The following HDX variants were observed in gnomAD, a reference collection of about 807,000 sequenced individuals.
HDX encodes chromosome X open reading frame 43.
In HDX, 19 loss-of-function variants were observed where a neutral mutation model predicts 45.2. The ratio of observed to expected loss-of-function variants is 0.42; its 90% confidence interval spans 0.29 to 0.62. The LOEUF is 0.62. HDX is among the 20% of genes least tolerant of loss of function. The pLI is 0.20. For synonymous variants in HDX, 188 were observed against 172.8 expected, an observed-to-expected ratio of 1.09 and a Z score of -0.69; for missense variants, 532 against 493.9, an observed-to-expected ratio of 1.08 and a Z score of -0.73.
At chrX:84,331,211 C>T (rs770938324) in intron 9 of HDX, among the ~76,000 whole-genome samples, 1 of 111,375 alleles carries the variant, frequency 9.0e-6, no homozygotes, top group South Asian at 3.7e-4. Flanking sequence ...TTTAGAATTC[C>T]TAAGAACATG....
rs187034159 is a variant in HDX, at chrX:84,319,510, A to G, written c.*2379T>C. Reference sequence around the variant, plus strand: ...TCAGTTCCTGCTACAGAATAGCCACATTTCATTTTAGAAGTGTTTTAATTC... The same window carrying G: ...TCAGTTCCTGCTACAGAATAGCCACGTTTCATTTTAGAAGTGTTTTAATTC... On this transcript the variant is annotated 3_prime_UTR_variant, in exon 11 of 11. Coordinates refer to ENST00000373177, the MANE Select transcript of HDX (RefSeq NM_001177479.2). 6 of 111,646 alleles carry G rather than the reference A, an allele frequency of 5.4e-5. No homozygotes were observed. The highest frequency in any genetic ancestry group is 1.9e-4 in the Admixed American group (2 of 10,536). The allele number at this position is 111,646 out of a possible 1,213,427, so 9.2% of individuals were successfully genotyped here.
At chrX:84,350,167 T>A in intron 6 of HDX, among the ~76,000 whole-genome samples, 1 of 112,066 alleles carries the variant, frequency 8.9e-6, no homozygotes. Context: ...TGTTATTGAT[T>A]TCTACTTTGA....
intron 5 of HDX, among the ~76,000 whole-genome samples, chrX:84,398,542 C>T (rs1245735861): frequency 8.9e-6 from 1 of 111,843 alleles, no homozygotes; most frequent in Non-Finnish European, 1.9e-5. Flanking sequence ...TATATGCACC[C>T]AATACAGGAG....
chrX:84,418,040 A>G lies in HDX; in HGVS notation c.1305+22492T>C, dbSNP rs185158514. ...TATTATGGGTTTCTGAAGAAAAAAC[A>G]ACTACTGAATGGGTCAGTTAGAAAC... On this transcript the variant is annotated intron_variant, in intron 5 of 10. Coordinates refer to ENST00000373177, the MANE Select transcript of HDX (RefSeq NM_001177479.2). Among the ~76,000 whole-genome samples, 381 of 112,072 alleles carry G rather than the reference A, an allele frequency of 3.4e-3. 3 individuals are homozygous for G. The highest frequency in any genetic ancestry group is 0.012 in the African/African-American group (367 of 30,833).
intron 5 of HDX, among the ~76,000 whole-genome samples, chrX:84,369,287 C>T (rs2037836970): frequency 8.9e-6 from 1 of 112,075 alleles, no homozygotes; most frequent in African/African-American, 3.2e-5. Context: ...TCATTGTATG[C>T]ATGTACCAAA....
intron 4 of HDX, among the ~76,000 whole-genome samples, chrX:84,449,012 A>C (rs891595470): frequency 2.8e-5 from 3 of 108,518 alleles, no homozygotes; most frequent in Non-Finnish European, 5.7e-5. Context: ...AATTCATGGA[A>C]TCAAATAAAA....
At chrX:84,359,209 T>A (rs1420544937) in intron 6 of HDX, among the ~76,000 whole-genome samples, 2 of 111,127 alleles carry the variant, frequency 1.8e-5, no homozygotes, top group Admixed American at 1.9e-4. Flanking sequence ...TTTTAAGTTC[T>A]AGGATACATG....
rs1006661259 is a variant in HDX at position 84,496,258 on chromosome X, G to A, written c.-110+6084C>T. Among the ~76,000 whole-genome samples the A allele has an allele frequency of 6.1e-4, 68 of 111,706 alleles. 4 individuals carry two copies. The highest frequency in any genetic ancestry group is 5.6e-5 in the Non-Finnish European group (3 of 53,115). ...AGATCGCATATTTCTTTACAAATGC[G>A]AAAACAGACAAAAGAAAATTCAAGT... On this transcript the variant is annotated intron_variant, in intron 1 of 10. Transcript: ENST00000373177.
At chrX:84,479,133 G>A (rs987398771) in intron 2 of HDX, among the ~76,000 whole-genome samples, 2 of 111,291 alleles carry the variant, frequency 1.8e-5, no homozygotes, top group Admixed American at 1.9e-4. Flanking sequence ...AGTTTTATGA[G>A]TTAAGAGAAA....
At chrX:84,402,937 C>G (rs2038739512) in intron 5 of HDX, among the ~76,000 whole-genome samples, 1 of 111,229 alleles carries the variant, frequency 9.0e-6, no homozygotes. Context: ...ATACTAAGAA[C>G]ACTATGGAAG....
chrX:84,500,640 C>T (rs941749924), intron 1 of HDX, among the ~76,000 whole-genome samples: 1 of 111,013 alleles, frequency 9.0e-6, no homozygotes, highest in African/African-American at 3.3e-5. Context: ...GTTGAGTTTC[C>T]AAAGTGGGTA....
intron 6 of HDX, 122 bp from the exon 7 acceptor site, chrX:84,344,579 A>C: frequency 2.3e-6 from 1 of 439,172 alleles, no homozygotes; most frequent in Non-Finnish European, 3.9e-6. Flanking sequence ...GGTACACAGA[A>C]AGGTAAAAAC....
intron 5 of HDX, among the ~76,000 whole-genome samples, chrX:84,417,687 C>T (rs1246969629): frequency 1.8e-5 from 2 of 111,880 alleles, no homozygotes; most frequent in Non-Finnish European, 3.8e-5. Flanking sequence ...GAACTGAGGT[C>T]TGTTCTCCAA....
intron 6 of HDX, among the ~76,000 whole-genome samples, chrX:84,344,868 T>C (rs2037163429): frequency 9.0e-6 from 1 of 111,429 alleles, no homozygotes; most frequent in African/African-American, 3.3e-5. Context: ...TGTAGTCTAC[T>C]GAGGATGACT....
intron 4 of HDX, among the ~76,000 whole-genome samples, chrX:84,444,445 G>C (rs1252752301): frequency 9.0e-6 from 1 of 110,771 alleles, no homozygotes; most frequent in Non-Finnish European, 1.9e-5. Context: ...TTCAGGCTTG[G>C]AACCAGGGTA....
intron 3 of HDX, among the ~76,000 whole-genome samples, chrX:84,472,993 T>G (rs1007244356): frequency 5.8e-5 from 6 of 102,855 alleles, no homozygotes; most frequent in Admixed American, 1.1e-4. Context: ...GATGAGAATT[T>G]GGGGTTAGGA....
At chrX:84,435,244 C>A (rs1006598422) in intron 5 of HDX, among the ~76,000 whole-genome samples, 6 of 111,053 alleles carry the variant, frequency 5.4e-5, no homozygotes, top group African/African-American at 1.6e-4. Context: ...AAGAAAAATG[C>A]TTGCCATTCT....
At chrX:84,483,257 CCCA>C (rs1469077321) in intron 2 of HDX, among the ~76,000 whole-genome samples, 7 of 112,112 alleles carry the variant, frequency 6.2e-5, no homozygotes, top group Non-Finnish European at 1.3e-4. Flanking sequence ...GGGCTCCAAC[CCCA>C]CATGTCTCTT....
chrX:84,457,017 C>A (rs2040126052), intron 4 of HDX, among the ~76,000 whole-genome samples: 1 of 111,423 alleles, frequency 9.0e-6, no homozygotes, highest in Non-Finnish European at 1.9e-5. Flanking sequence ...CACCATAGAC[C>A]AAATAAATCT....
Sources: gnomAD v4.1 joint callset for allele counts (sites outside exome capture counted in the v4.1 genomes callset) on GRCh38, gnomAD v4.1.1 for gene constraint, MANE v1.5 for transcripts, NCBI Gene and HGNC (gene_info 2026-07-23, HGNC 2026-07-21) for gene names.